BAIAP2L2: variants seen among roughly 807,000 people sequenced by gnomAD.
BAIAP2L2 encodes the protein BAR/IMD domain-containing adapter protein 2-like 2.
Under a neutral mutation model 60.4 loss-of-function variants are expected in BAIAP2L2, and 65 were observed. That is an observed-to-expected ratio of 1.08 (90% CI 0.88 to 1.32). The LOEUF (loss-of-function observed/expected upper bound fraction) is 1.32, where lower values mean the gene tolerates loss of function less well. BAIAP2L2 is among the 40% of genes most tolerant of loss of function. BAIAP2L2 has a pLI of 0.00. For synonymous variants in BAIAP2L2, 344 were observed against 301.7 expected, an observed-to-expected ratio of 1.14 and a Z score of -1.45; for missense variants, 836 against 741.2, an observed-to-expected ratio of 1.13 and a Z score of -1.48.
chr22:38,088,742 A>T lies in BAIAP2L2; in HGVS notation c.1118+6T>A. On this transcript the variant is annotated splice_donor_region_variant and intron_variant, in intron 10 of 13. Coordinates refer to ENST00000381669, the MANE Select transcript of BAIAP2L2 (RefSeq NM_025045.6). ...CACCCCCGGCCCCTCCAAGGCTCCC[A>T]CTCACGCGGACGAGCCCTCCAGCTT... 6.8e-7 allele frequency: 1 copy of T among 1,462,934 alleles called. No homozygotes were observed. The highest frequency in any genetic ancestry group is 9.2e-7 in the Non-Finnish European group (1 of 1,089,358). The allele number at this position is 1,462,934 out of a possible 1,614,324, so 90.6% of individuals were successfully genotyped here.
At chr22:38,087,341 C>T (rs2086125080) in intron 10 of BAIAP2L2, 77 bp from the exon 11 acceptor site, 9 of 1,518,602 alleles carry the variant, frequency 5.9e-6, no homozygotes, top group Non-Finnish European at 8.0e-6. Context: ...ACATCCTCCC[C>T]TCAGGGTCAC....
At chr22:38,106,101 G>A (rs1303882025) in intron 4 of BAIAP2L2, among the ~76,000 whole-genome samples, 2 of 152,168 alleles carry the variant, frequency 1.3e-5, no homozygotes, top group African/African-American at 2.4e-5. Flanking sequence ...CCATAACTCC[G>A]TGCCCACATC....
At chr22:38,087,723 G>T (rs577756003) in intron 10 of BAIAP2L2, among the ~76,000 whole-genome samples, 2 of 151,834 alleles carry the variant, frequency 1.3e-5, no homozygotes, top group African/African-American at 2.4e-5. Context: ...CTAACTATGA[G>T]TCCCTCCATA....
Position 38,087,152 on chromosome 22 carries a change from T to TGGGTGTCAC in BAIAP2L2, c.1230_1231insGTGACACCC (p.Pro410_Met411insValThrPro), listed in dbSNP as rs2145926744. 6.2e-7 allele frequency: 1 copy of TGGGTGTCAC among 1,600,824 alleles called. No homozygotes were observed. The highest frequency in any genetic ancestry group is 8.5e-7 in the Non-Finnish European group (1 of 1,175,392). On this transcript the variant is annotated inframe_insertion, in exon 11 of 14. Transcript: ENST00000381669. Reference sequence around the variant, plus strand: ...GAAGGCAGCTCGTTCCCGGGGTTCATGGGTGTCATGGGGGACATGGAGGTC... The same window carrying TGGGTGTCAC: ...GAAGGCAGCTCGTTCCCGGGGTTCATGGGTGTCACGGGTGTCATGGGGGACATGGAGGTC...
chr22:38,108,055 T>C, intron 3 of BAIAP2L2, 142 bp from the exon 4 acceptor site: 1 of 1,038,830 alleles, frequency 9.6e-7, no homozygotes, highest in Non-Finnish European at 1.4e-6. Flanking sequence ...CATATGGTTC[T>C]CTGGGAGCCA....
chr22:38,099,609 G>A (rs1406315431), intron 4 of BAIAP2L2, among the ~76,000 whole-genome samples: 1 of 152,192 alleles, frequency 6.6e-6, no homozygotes, highest in Non-Finnish European at 1.5e-5. Flanking sequence ...GATTCTGTGG[G>A]CCCAGGTGAT....
At position 38,089,084 on chromosome 22, in the gene BAIAP2L2, G is replaced by T. The variant is rs766509331; in HGVS notation, c.901+12C>A. 7.2e-7 allele frequency: 1 copy of T among 1,381,604 alleles called. No homozygotes were observed. Among genetic ancestry groups the T allele is most frequent in the Non-Finnish European group, 9.3e-7 (1 of 1,073,570 alleles). 85.6% of individuals were successfully genotyped at this position (1,381,604 alleles called of 1,614,324 possible). ...CCCGGCCCTCCTGCCGCCCCGGGGC[G>T]GGGGCACTCACAGGCCGACGGCGTG... On this transcript the variant is annotated intron_variant, in intron 9 of 13. Coordinates refer to ENST00000381669, the MANE Select transcript of BAIAP2L2 (RefSeq NM_025045.6).
intron 4 of BAIAP2L2, among the ~76,000 whole-genome samples, chr22:38,101,546 CAAAA>C (rs71195082): frequency 3.2e-5 from 1 of 30,918 alleles, no homozygotes; most frequent in African/African-American, 1.6e-4. Context: ...GATCCTGTCT[CAAAA>C]AAAAAAAAAA....
intron 9 of BAIAP2L2, 53 bp downstream of exon 9, chr22:38,089,043 C>A: frequency 7.1e-7 from 1 of 1,405,554 alleles, no homozygotes; most frequent in Non-Finnish European, 9.2e-7. Flanking sequence ...TGCTGCAGCC[C>A]CACCCCCGCG....
intron 8 of BAIAP2L2, 50 bp downstream of exon 8, chr22:38,089,472 G>C (rs1162056858): frequency 9.1e-7 from 1 of 1,103,970 alleles, no homozygotes; most frequent in African/African-American, 1.6e-5. Context: ...CCGGGCCCCC[G>C]CGGGGGGCGG....
intron 1 of BAIAP2L2, among the ~76,000 whole-genome samples, chr22:38,109,636 G>A (rs555978820): frequency 2.0e-4 from 31 of 152,290 alleles, no homozygotes; most frequent in African/African-American, 6.0e-4. Context: ...CACCCCCGGG[G>A]CAAGGGCAGC....
At chr22:38,109,892 T>C (rs913265591) in intron 1 of BAIAP2L2, among the ~76,000 whole-genome samples, 11 of 151,012 alleles carry the variant, frequency 7.3e-5, no homozygotes, top group African/African-American at 2.4e-4. Flanking sequence ...GGTGGTCATT[T>C]TCCACCTCAC....
chr22:38,103,816 T>C (rs1443773266), intron 4 of BAIAP2L2, among the ~76,000 whole-genome samples: 1 of 150,788 alleles, frequency 6.6e-6, no homozygotes. Flanking sequence ...TGAGCCGAGA[T>C]TGCATCACTG....
rs1034281376 is a variant in BAIAP2L2, at chr22:38,085,187, C to T, written c.*113G>A. ...GTGGTCTGGGGAGGGCAGCCACCCC[C>T]CGTCTCAGGGACCCGCTTCTTGGAT... is the stretch of plus-strand genomic sequence containing the variant. On this transcript the variant is annotated 3_prime_UTR_variant, in exon 14 of 14. Transcript: ENST00000381669. 24 of 1,197,508 alleles carry T rather than the reference C, an allele frequency of 2.0e-5. No individual in the cohort carries two copies. The highest frequency in any genetic ancestry group is 2.8e-5 in the Non-Finnish European group (24 of 843,688). 74.2% of individuals were successfully genotyped at this position (1,197,508 alleles called of 1,614,324 possible).
At chr22:38,101,409 T>G (rs1327489924) in intron 4 of BAIAP2L2, among the ~76,000 whole-genome samples, 11 of 123,314 alleles carry the variant, frequency 8.9e-5, no homozygotes, top group Admixed American at 3.5e-4. Flanking sequence ...AAGCCAGACG[T>G]GGTGGTTCAT....
rs1453182646 is a variant in BAIAP2L2 at position 38,096,941 on chromosome 22, G to GGGAAGAA, written c.612+84_612+90dup. 11 of 1,407,906 alleles carry GGGAAGAA rather than the reference G, an allele frequency of 7.8e-6. No individual in the cohort carries two copies. In the Admixed American group the frequency reaches 2.3e-4, roughly 29 times the overall value. 87.2% of individuals were successfully genotyped at this position (1,407,906 alleles called of 1,614,324 possible). On this transcript the variant is annotated intron_variant, in intron 7 of 13. Coordinates refer to ENST00000381669, the MANE Select transcript of BAIAP2L2 (RefSeq NM_025045.6). ...CAGACAGGCAGGCAGGGAGGGAAGA[G>GGGAAGAA]GGAAGAAGGGAGGGAAACCTCTATG...
chr22:38,110,440 G>C (rs772989756), intron 1 of BAIAP2L2, 35 bp downstream of exon 1: 14 of 1,602,940 alleles, frequency 8.7e-6, no homozygotes, highest in Non-Finnish European at 1.2e-5. Flanking sequence ...CTGGGAGGAG[G>C]GGCTCAGGCC....
chr22:38,109,111 G>A (rs371878904), intron 2 of BAIAP2L2, 22 bp downstream of exon 2: 162 of 1,597,828 alleles, frequency 1.0e-4, no homozygotes, highest in Admixed American at 1.2e-4. Context: ...GCTGGGGCTC[G>A]GTGGCCCGGG....
intron 2 of BAIAP2L2, among the ~76,000 whole-genome samples, chr22:38,108,589 G>A (rs2086718766): frequency 6.6e-6 from 1 of 152,180 alleles, no homozygotes; most frequent in Admixed American, 6.5e-5. Flanking sequence ...GAGGTTCAGG[G>A]TTGATCAGCA....
Sources: gnomAD v4.1 joint callset for allele counts (sites outside exome capture counted in the v4.1 genomes callset) on GRCh38, gnomAD v4.1.1 for gene constraint, MANE v1.5 for transcripts, NCBI Gene and HGNC (gene_info 2026-07-23, HGNC 2026-07-21) for gene names.